Variants in CALN1 observed in about 807,000 individuals in gnomAD.
CALN1 encodes calcium-binding protein 8.
A neutral mutation model predicts 30.6 loss-of-function variants in CALN1; 17 were observed. The ratio of observed to expected loss-of-function variants is 0.56; its 90% CI spans 0.38 to 0.83. CALN1 has a LOEUF of 0.83. Among genes scored for constraint, CALN1 ranks in the 40% least tolerant of loss-of-function variants. The pLI is 0.00. For missense variants in CALN1, 291 were observed against 354.9 expected, an observed-to-expected ratio of 0.82 and a Z score of 1.45; for synonymous variants, 156 against 131.4, an observed-to-expected ratio of 1.19 and a Z score of -1.28.
At chr7:71,920,830 T>G (rs1163618235) in intron 5 of CALN1, among the ~76,000 whole-genome samples, 1 of 152,206 alleles carries the variant, frequency 6.6e-6, no homozygotes, top group Non-Finnish European at 1.5e-5. Flanking sequence ...GATCTATAAC[T>G]AGAAATACCA....
chr7:72,294,749 G>GAAA (rs1407195849), intron 2 of CALN1, among the ~76,000 whole-genome samples: 28 of 38,772 alleles, frequency 7.2e-4, no homozygotes, highest in African/African-American at 3.4e-3. Flanking sequence ...CTCTAAAAAA[G>GAAA]TAATAAATAA....
intron 6 of CALN1, among the ~76,000 whole-genome samples, chr7:71,808,687 C>G (rs1257948626): frequency 6.6e-6 from 1 of 152,072 alleles, no homozygotes; most frequent in Non-Finnish European, 1.5e-5. Context: ...TTTCCCTGAA[C>G]AAAACACTGA....
At chr7:72,109,810 C>T (rs560504819) in intron 3 of CALN1, among the ~76,000 whole-genome samples, 7 of 152,216 alleles carry the variant, frequency 4.6e-5, no homozygotes, top group Non-Finnish European at 1.0e-4. Flanking sequence ...AGGCAGCCAG[C>T]GCCAAGCGCC....
rs146383796 is a variant in CALN1 at position 72,253,521 on chromosome 7, G to C, written c.244+25165C>G. 4.6e-4 allele frequency among the ~76,000 whole-genome samples: 70 copies of C among 152,340 alleles called. No individual in the cohort carries two copies. The East Asian group carries it at 0.011, about 24-fold the overall frequency. On this transcript the variant is annotated intron_variant, in intron 3 of 6. Coordinates refer to ENST00000395275, the MANE Select transcript of CALN1 (RefSeq NM_031468.4). ...TACAATCATGGCTGAAGTTGAAAGG[G>C]AAACAAGCACATCTTACCATGGCGA...
chr7:72,148,956 AGAAG>A (rs1329158920), intron 3 of CALN1, among the ~76,000 whole-genome samples: 3 of 131,794 alleles, frequency 2.3e-5, no homozygotes, highest in East Asian at 2.6e-4. Flanking sequence ...AAGGAAGGAA[AGAAG>A]GAAGGGAGGG....
intron 5 of CALN1, among the ~76,000 whole-genome samples, chr7:71,942,988 C>T (rs1463659861): frequency 1.3e-5 from 2 of 152,124 alleles, no homozygotes; most frequent in Non-Finnish European, 2.9e-5. Flanking sequence ...TCCAATCTTC[C>T]GCCTTTGATT....
At chr7:72,080,335 C>T (rs578210054) in intron 4 of CALN1, among the ~76,000 whole-genome samples, 13 of 152,318 alleles carry the variant, frequency 8.5e-5, no homozygotes, top group Admixed American at 6.5e-4. Flanking sequence ...CTCCTCACTC[C>T]GTGCCCTTGC....
Position 71,833,645 on chromosome 7 carries a change from C to T in CALN1, c.502-23153G>A, listed in dbSNP as rs541783316. Among the ~76,000 whole-genome samples the T allele has an allele frequency of 2.8e-3, 419 of 151,248 alleles. 2 individuals carry two copies. The highest frequency in any genetic ancestry group is 9.9e-3 in the African/African-American group (409 of 41,286). On this transcript the variant is annotated intron_variant, in intron 5 of 6. Coordinates refer to ENST00000395275, the MANE Select transcript of CALN1 (RefSeq NM_031468.4). ...ACCAGGCGAGGCACAGTGATGAATGCCTGGAATCCCAGCACTTTGGGAAGC... is the reference window on the plus strand; with the variant it reads ...ACCAGGCGAGGCACAGTGATGAATGTCTGGAATCCCAGCACTTTGGGAAGC...
intron 1 of CALN1, among the ~76,000 whole-genome samples, chr7:72,441,753 A>G (rs1808352712): frequency 6.6e-6 from 1 of 152,134 alleles, no homozygotes; most frequent in East Asian, 1.9e-4. Context: ...GTTTCTGGTC[A>G]TCTTTTTAAC....
Position 72,106,263 on chromosome 7 carries a change from C to G in CALN1, c.276G>C (p.Arg92=), listed in dbSNP as rs767853745. The change falls in exon 4 of 7, where the codon CGG becomes CGC. Residue 92 remains arginine (R), a synonymous_variant. Transcript: ENST00000395275. Reference sequence around the variant, plus strand: ...GCTTGGAGATGAAGCCGTTCCCATCCCGGTCCAGAACCCGAAAGGCCTCTC... The same window carrying G: ...GCTTGGAGATGAAGCCGTTCCCATCGCGGTCCAGAACCCGAAAGGCCTCTC... ...EIREAFRVLD[R]DGNGFISKQE... is the part of the protein sequence containing the mutation. 1.2e-6 allele frequency: 2 copies of G among 1,614,076 alleles called. No individual in the cohort carries two copies. Among genetic ancestry groups the G allele is most frequent in the South Asian group, 2.2e-5 (2 of 91,080 alleles).
chr7:72,261,385 G>A (rs751634373), intron 3 of CALN1, among the ~76,000 whole-genome samples: 1 of 151,270 alleles, frequency 6.6e-6, no homozygotes, highest in Non-Finnish European at 1.5e-5. Flanking sequence ...ACACTCCTGA[G>A]GCCAGCATCA....
At chr7:72,014,950 C>G (rs1042242664) in intron 5 of CALN1, among the ~76,000 whole-genome samples, 2 of 152,226 alleles carry the variant, frequency 1.3e-5, no homozygotes, top group Non-Finnish European at 2.9e-5. Context: ...GCGTGAGACA[C>G]TGCGTCCAGC....
intron 3 of CALN1, among the ~76,000 whole-genome samples, chr7:72,153,185 C>CT (rs974572880): frequency 1.1e-4 from 16 of 152,212 alleles, no homozygotes; most frequent in African/African-American, 3.6e-4. Context: ...TCTAACACCC[C>CT]TTGGCTGCAG....
Position 72,140,340 on chromosome 7 carries a change from AAGGGAGGGAGGGAGGGAGGG to A in CALN1, c.245-34066_245-34047del, listed in dbSNP as rs200997090. Among the ~76,000 whole-genome samples, 82 of 65,404 alleles carry A rather than the reference AAGGGAGGGAGGGAGGGAGGG, an allele frequency of 1.3e-3. 2 individuals carry two copies. Among genetic ancestry groups the A allele is most frequent in the East Asian group, 5.7e-3 (17 of 2,982 alleles). 42.9% of individuals were successfully genotyped at this position (65,404 alleles called of 152,430 possible). A position where few individuals can be genotyped will look rare whatever the true frequency, so the allele number is the denominator to read the frequency against. On this transcript the variant is annotated intron_variant, in intron 3 of 6. Coordinates refer to ENST00000395275, the MANE Select transcript of CALN1 (RefSeq NM_031468.4). ...GGAACAGAGAAAGGGAGAAGGAAGG[AAGGGAGGGAGGGAGGGAGGG>A]AGGGAGGGAGGGAGGGAGGGAGGAT...
intron 2 of CALN1, among the ~76,000 whole-genome samples, chr7:72,372,376 G>A (rs148127999): frequency 2.0e-5 from 3 of 152,192 alleles, no homozygotes; most frequent in Admixed American, 6.5e-5. Context: ...CAACACAACT[G>A]TAGTTGCAGA....
intron 3 of CALN1, among the ~76,000 whole-genome samples, chr7:72,107,876 G>A (rs958411687): frequency 1.3e-5 from 2 of 152,192 alleles, no homozygotes; most frequent in Admixed American, 1.3e-4. Context: ...AGGATGGTAA[G>A]ATGCATGCAG....
chr7:71,918,073 C>A (rs967525525), intron 5 of CALN1, among the ~76,000 whole-genome samples: 5 of 152,066 alleles, frequency 3.3e-5, no homozygotes, highest in African/African-American at 9.7e-5. Context: ...GGATAATAAC[C>A]CCTGACTTGC....
intron 4 of CALN1, among the ~76,000 whole-genome samples, chr7:72,049,472 C>A (rs1232229357): frequency 1.3e-5 from 2 of 152,182 alleles, no homozygotes; most frequent in Non-Finnish European, 2.9e-5. Flanking sequence ...AGGGCAGGCA[C>A]ATTGTTAAGC....
chr7:72,385,280 G>A (rs1805145664), intron 2 of CALN1, among the ~76,000 whole-genome samples: 5 of 152,154 alleles, frequency 3.3e-5, no homozygotes, highest in Admixed American at 3.3e-4. Flanking sequence ...ACATGATTCA[G>A]CAAACAGGGT....
Sources: gnomAD v4.1 joint callset for allele counts (sites outside exome capture counted in the v4.1 genomes callset) on GRCh38, gnomAD v4.1.1 for gene constraint, MANE v1.5 for transcripts, NCBI Gene and HGNC (gene_info 2026-07-23, HGNC 2026-07-21) for gene names.